SFMBT2: variants seen among roughly 807,000 people sequenced by gnomAD.
SFMBT2 encodes scm-like with four MBT domains protein 2.
Under a neutral mutation model 110.1 loss-of-function variants are expected in SFMBT2, and 38 were observed. That is an observed-to-expected ratio of 0.35 (90% CI 0.27 to 0.45). SFMBT2 has a LOEUF of 0.45. SFMBT2 is among the 20% of genes least tolerant of loss of function. The pLI is 1.00. For synonymous variants in SFMBT2, 425 were observed against 425.4 expected (o/e 1.00, Z 0.01); for missense variants, 1,011 against 1,094.9 (o/e 0.92, Z 1.08).
chr10:7,232,597 A>G (rs775057398), intron 9 of SFMBT2, among the ~76,000 whole-genome samples: 2 of 152,252 alleles, frequency 1.3e-5, no homozygotes, highest in Non-Finnish European at 2.9e-5. Flanking sequence ...AAACATATAC[A>G]GAATTATTAG....
At chr10:7,261,257 T>C (rs1018378045) in intron 7 of SFMBT2, among the ~76,000 whole-genome samples, 1 of 152,258 alleles carries the variant, frequency 6.6e-6, no homozygotes, top group Non-Finnish European at 1.5e-5. Flanking sequence ...GATTCATCTA[T>C]GGCTTCAATT....
intron 2 of SFMBT2, among the ~76,000 whole-genome samples, chr10:7,378,574 G>T (rs546966118): frequency 7.0e-6 from 1 of 143,040 alleles, no homozygotes; most frequent in Non-Finnish European, 1.5e-5. Context: ...ATGGATGGGT[G>T]TGAGTGTGTG....
At chr10:7,288,989 T>C (rs1418462416) in intron 4 of SFMBT2, among the ~76,000 whole-genome samples, 2 of 149,188 alleles carry the variant, frequency 1.3e-5, no homozygotes, top group African/African-American at 5.0e-5. Flanking sequence ...CGAGACACTG[T>C]CTCAGAAAAA....
chr10:7,404,815 A>T (rs1489404413), intron 1 of SFMBT2, among the ~76,000 whole-genome samples: 1 of 152,194 alleles, frequency 6.6e-6, no homozygotes, highest in Non-Finnish European at 1.5e-5. Flanking sequence ...ACCAGATGGG[A>T]AGTGTTAAGG....
chr10:7,390,216 T>G (rs1181416236), intron 1 of SFMBT2, among the ~76,000 whole-genome samples: 1 of 152,096 alleles, frequency 6.6e-6, no homozygotes, highest in Non-Finnish European at 1.5e-5. Flanking sequence ...CACATGTGGG[T>G]AGAAGGTGGG....
At chr10:7,360,977 A>G (rs1368232200) in intron 4 of SFMBT2, among the ~76,000 whole-genome samples, 1 of 152,234 alleles carries the variant, frequency 6.6e-6, no homozygotes, top group Non-Finnish European at 1.5e-5. Context: ...AACTTTTAGA[A>G]TATTTAAACA....
chr10:7,277,258 TGTAA>T (rs1447627121), intron 6 of SFMBT2: 3 of 154,514 alleles, frequency 1.9e-5, no homozygotes, highest in African/African-American at 7.2e-5. Context: ...GTTGGCATTC[TGTAA>T]GTAATTTAAT....
At chr10:7,209,684 A>G (rs986301270) in intron 11 of SFMBT2, among the ~76,000 whole-genome samples, 103 of 152,362 alleles carry the variant, frequency 6.8e-4, no homozygotes, top group African/African-American at 2.4e-3. Flanking sequence ...ATATATTCAT[A>G]TGTGCATAAA....
intron 16 of SFMBT2, chr10:7,176,667 T>C (rs186198895): frequency 3.4e-4 from 72 of 211,234 alleles, no homozygotes; most frequent in Non-Finnish European, 4.8e-4. Context: ...CGATTTCCAT[T>C]ATTCATAAAT....
intron 1 of SFMBT2, among the ~76,000 whole-genome samples, chr10:7,390,208 C>T (rs1001770423): frequency 5.9e-5 from 9 of 152,096 alleles, no homozygotes; most frequent in Non-Finnish European, 1.2e-4. Flanking sequence ...GAACTAGGCA[C>T]ATGTGGGTAG....
At chr10:7,285,757 G>A in intron 5 of SFMBT2, 109 bp downstream of exon 5, 1 of 706,528 alleles carries the variant, frequency 1.4e-6, no homozygotes, top group Non-Finnish European at 2.7e-6. Flanking sequence ...GGCAGTGTCT[G>A]CAGAAAGCAC....
intron 14 of SFMBT2, chr10:7,198,121 AAAC>A (rs1838836631): frequency 1.0e-6 from 1 of 985,308 alleles, no homozygotes; most frequent in Admixed American, 6.1e-5. Context: ...ATGTGCCTAC[AAAC>A]AATATATGAT....
chr10:7,215,845 G>T, intron 11 of SFMBT2: 1 of 484,092 alleles, frequency 2.1e-6, no homozygotes, highest in Non-Finnish European at 2.7e-6. Context: ...AAACTCGCTA[G>T]GCGGTATAGA....
chr10:7,336,991 A>T (rs1843735289), intron 4 of SFMBT2, among the ~76,000 whole-genome samples: 1 of 152,192 alleles, frequency 6.6e-6, no homozygotes, highest in South Asian at 2.1e-4. Flanking sequence ...CTGTTGGAGT[A>T]CTTTCTGTCA....
At chr10:7,328,279 T>G (rs1466895267) in intron 4 of SFMBT2, among the ~76,000 whole-genome samples, 1 of 152,270 alleles carries the variant, frequency 6.6e-6, no homozygotes, top group African/African-American at 2.4e-5. Flanking sequence ...TTTGGTGAAG[T>G]GTCTTTTTAA....
intron 11 of SFMBT2, among the ~76,000 whole-genome samples, chr10:7,212,697 T>C (rs78394336): frequency 4.6e-5 from 7 of 152,232 alleles, no homozygotes; most frequent in Non-Finnish European, 1.0e-4. Context: ...GCTGTACAAA[T>C]AAAAAAGATT....
intron 1 of SFMBT2, among the ~76,000 whole-genome samples, chr10:7,407,115 G>A (rs1016562060): frequency 1.3e-5 from 2 of 152,114 alleles, no homozygotes; most frequent in African/African-American, 4.8e-5. Context: ...AGCAGAGTGT[G>A]TGCAAATTTA....
intron 4 of SFMBT2, among the ~76,000 whole-genome samples, chr10:7,319,037 G>C (rs1028596820): frequency 3.3e-5 from 5 of 152,172 alleles, no homozygotes; most frequent in Admixed American, 6.5e-5. Context: ...GCCACACGAG[G>C]GATCGCAGAA....
At chr10:7,247,093 A>ATTTAAAGT (rs1840641377) in intron 8 of SFMBT2, among the ~76,000 whole-genome samples, 1 of 152,180 alleles carries the variant, frequency 6.6e-6, no homozygotes, top group South Asian at 2.1e-4. Context: ...AACCTTAAAT[A>ATTTAAAGT]TTTAAAGTTT....
Sources: allele counts gnomAD v4.1 joint callset (sites outside exome capture counted in the v4.1 genomes callset), GRCh38; gene constraint gnomAD v4.1.1; transcripts MANE v1.5; gene names NCBI Gene and HGNC (gene_info 2026-07-23, HGNC 2026-07-21).